IL21R: variants seen among roughly 807,000 people sequenced by gnomAD.
The protein encoded by IL21R is interleukin-21 receptor.
Under a neutral mutation model 41.3 loss-of-function variants are expected in IL21R, and 14 were observed. The observed-to-expected ratio is 0.34, with a 90% CI of 0.22 to 0.53. The LOEUF is 0.53. Ranked by LOEUF, IL21R falls within the 20% of genes least tolerant of loss-of-function variation. The pLI, the probability that IL21R is intolerant of heterozygous loss-of-function variation, is 0.94. For synonymous variants in IL21R, 286 were observed against 287.6 expected, an observed-to-expected ratio of 0.99 and a Z score of 0.05; for missense variants, 588 against 681.6, an observed-to-expected ratio of 0.86 and a Z score of 1.53.
intron 8 of IL21R, 110 bp downstream of exon 8, chr16:27,446,198 C>A: frequency 1.4e-6 from 1 of 730,126 alleles, no homozygotes; most frequent in South Asian, 2.0e-5. Context: ...CTAGAGCATC[C>A]AGGTCTCAGC....
At chr16:27,444,962 C>T (rs765258489) in intron 6 of IL21R, among the ~76,000 whole-genome samples, 5 of 152,240 alleles carry the variant, frequency 3.3e-5, no homozygotes, top group Middle Eastern at 3.4e-3. Flanking sequence ...GTTTTTCAGA[C>T]GAGATAACTT....
rs1477533269 is a variant in IL21R, at chr16:27,422,874, A to T, written c.-16-7182A>T. Among the ~76,000 whole-genome samples, 3 of 152,180 alleles carry T rather than the reference A, an allele frequency of 2.0e-5. No homozygotes were observed. The East Asian group carries it at 5.8e-4, about 29-fold the overall frequency. ...AGCTAACTTTTTCTAGATCAATTTA[A>T]ATTTTCTTCTAGCAGACATATAGCA... On this transcript the variant is annotated intron_variant, in intron 1 of 8. Transcript: ENST00000337929.
chr16:27,430,921 T>G (rs962219261), intron 2 of IL21R, among the ~76,000 whole-genome samples: 1 of 152,182 alleles, frequency 6.6e-6, no homozygotes. Context: ...AAAAGGAGAC[T>G]GAACCTTGGT....
At chr16:27,437,823 C>A in intron 4 of IL21R, 136 bp downstream of exon 4, 1 of 678,708 alleles carries the variant, frequency 1.5e-6, no homozygotes, top group Non-Finnish European at 2.6e-6. Context: ...CCACTACACC[C>A]AGCTAATTTT....
chr16:27,421,490 A>T (rs1014090322), intron 1 of IL21R, among the ~76,000 whole-genome samples: 2 of 152,032 alleles, frequency 1.3e-5, no homozygotes, highest in Non-Finnish European at 2.9e-5. Flanking sequence ...TCTATAATTT[A>T]TTTCAATAAC....
intron 4 of IL21R, among the ~76,000 whole-genome samples, chr16:27,440,248 T>TATATATATATATATAG (rs1352160946): frequency 1.5e-3 from 98 of 63,998 alleles, no homozygotes; most frequent in African/African-American, 2.5e-3. Flanking sequence ...TATATATATA[T>TATATATATATATATAG]AGAGAGAGAG....
chr16:27,422,047 AT>A (rs2087008199), intron 1 of IL21R, among the ~76,000 whole-genome samples: 1 of 151,836 alleles, frequency 6.6e-6, no homozygotes, highest in Admixed American at 6.6e-5. Context: ...TTTTTAAGAG[AT>A]TTTTTTCTGG....
intron 1 of IL21R, among the ~76,000 whole-genome samples, chr16:27,410,133 C>T (rs1002382162): frequency 3.3e-5 from 5 of 152,040 alleles, no homozygotes; most frequent in East Asian, 3.8e-4. Flanking sequence ...GTCAGGAGTT[C>T]GAGACCAGCC....
intron 1 of IL21R, among the ~76,000 whole-genome samples, chr16:27,416,626 C>A (rs1234601192): frequency 1.3e-5 from 2 of 152,152 alleles, no homozygotes; most frequent in African/African-American, 4.8e-5. Flanking sequence ...CCTTCATTTT[C>A]AAAAATCTGT....
At chr16:27,439,996 C>A (rs2087352034) in intron 4 of IL21R, among the ~76,000 whole-genome samples, 1 of 152,044 alleles carries the variant, frequency 6.6e-6, no homozygotes, top group African/African-American at 2.4e-5. Context: ...CCGGCCTCCA[C>A]CTGCCCCGGG....
chr16:27,448,925 A>G lies in IL21R; in HGVS notation c.1259A>G (p.Asp420Gly), dbSNP rs2087536852. ...PSPGLEDPLL[D>G]AGTTVLSCGC... The stretch of plus-strand genomic sequence containing the variant: ...CCAGGCCTAGAGGACCCACTCTTGG[A>G]TGCAGGGACCACAGTCCTGTCCTGT... Residue 420 changes from aspartate (D) to glycine (G), a missense_variant, in exon 9 of 9, where the codon GAT (aspartate) becomes GGT (glycine). Coordinates refer to ENST00000337929, the MANE Select transcript of IL21R (RefSeq NM_181078.3). 1 of 1,612,662 alleles carries G rather than the reference A, an allele frequency of 6.2e-7. No individual in the cohort carries two copies. The highest frequency in any genetic ancestry group is 2.2e-5 in the East Asian group (1 of 44,848).
At position 27,450,632 on chromosome 16, in the gene IL21R, TG is replaced by T. The variant is rs2087578724; in HGVS notation, c.*1351del. ...AGAGTCTCACTCTCGTCGCCCAGGC[TG>T]GAATGCAGTGGTGCGATCTCGGCTC... On this transcript the variant is annotated 3_prime_UTR_variant, in exon 9 of 9. Coordinates refer to ENST00000337929, the MANE Select transcript of IL21R (RefSeq NM_181078.3). The T allele has an allele frequency of 4.6e-6, 1 of 218,120 alleles. No homozygotes were observed. Among genetic ancestry groups the T allele is most frequent in the Non-Finnish European group, 9.2e-6 (1 of 108,646 alleles). 13.5% of individuals were successfully genotyped at this position (218,120 alleles called of 1,614,324 possible). A position where few individuals can be genotyped will look rare whatever the true frequency, so the allele number is the denominator to read the frequency against.
At chr16:27,425,471 A>G (rs867471890) in intron 1 of IL21R, among the ~76,000 whole-genome samples, 27 of 152,130 alleles carry the variant, frequency 1.8e-4, no homozygotes, top group African/African-American at 6.3e-4. Context: ...CTCTTTCATC[A>G]CTTGCCCTGC....
intron 1 of IL21R, among the ~76,000 whole-genome samples, chr16:27,410,381 A>G (rs993734297): frequency 1.8e-4 from 28 of 151,602 alleles, no homozygotes; most frequent in African/African-American, 6.3e-4. Context: ...TTCTTCTCGG[A>G]TATTTGATTT....
At chr16:27,429,132 G>A (rs1055695817) in intron 1 of IL21R, among the ~76,000 whole-genome samples, 8 of 152,160 alleles carry the variant, frequency 5.3e-5, no homozygotes, top group African/African-American at 1.9e-4. Context: ...GCTGAGGCAG[G>A]AGAATCGCTT....
At chr16:27,408,302 G>A (rs1253181145) in intron 1 of IL21R, among the ~76,000 whole-genome samples, 1 of 152,210 alleles carries the variant, frequency 6.6e-6, no homozygotes, top group African/African-American at 2.4e-5. Flanking sequence ...GATAGTTTCC[G>A]TGGCTAAAAC....
At chr16:27,420,453 C>A (rs2086981162) in intron 1 of IL21R, among the ~76,000 whole-genome samples, 1 of 152,206 alleles carries the variant, frequency 6.6e-6, no homozygotes, top group South Asian at 2.1e-4. Flanking sequence ...TACATTCTCA[C>A]CCTCCGCCCC....
At chr16:27,427,428 CTCTT>C in intron 1 of IL21R, 4 of 632,010 alleles carry the variant, frequency 6.3e-6, no homozygotes, top group Non-Finnish European at 7.9e-6. Context: ...CAGGGTCTCA[CTCTT>C]TCATTCAGGC....
intron 8 of IL21R, 46 bp from the exon 9 acceptor site, chr16:27,448,488 C>G: frequency 6.5e-7 from 1 of 1,531,168 alleles, no homozygotes; most frequent in Non-Finnish European, 8.8e-7. Context: ...AAACCCTCAC[C>G]TTACCCTCAT....
Sources: allele counts gnomAD v4.1 joint callset (sites outside exome capture counted in the v4.1 genomes callset), GRCh38; gene constraint gnomAD v4.1.1; transcripts MANE v1.5; gene names NCBI Gene and HGNC (gene_info 2026-07-23, HGNC 2026-07-21).